The following NOMO1 variants were observed in gnomAD, a reference collection of about 807,000 sequenced individuals.
NOMO1 encodes nodal modulator 3.
In NOMO1, 40 loss-of-function variants were observed where a neutral mutation model predicts 133.8. That is an observed-to-expected ratio of 0.30 (90% confidence interval 0.23 to 0.39). The LOEUF (loss-of-function observed/expected upper bound fraction) is 0.39, where lower values mean the gene tolerates loss of function less well. NOMO1 is among the 10% of genes least tolerant of loss of function. The probability of loss-of-function intolerance (pLI) is 1.00; values close to 1 mark genes in which losing one functional copy is unlikely to be tolerated. For missense variants in NOMO1, 462 were observed against 1,419.9 expected, an observed-to-expected ratio of 0.33 and a Z score of 10.84; for synonymous variants, 236 against 570.5, an observed-to-expected ratio of 0.41 and a Z score of 8.36.
intron 12 of NOMO1, 121 bp from the exon 13 acceptor site, chr16:14,864,464 C>T (rs901569924): frequency 9.8e-5 from 149 of 1,527,514 alleles, no homozygotes; most frequent in South Asian, 1.3e-4. Flanking sequence ...GGCCTGGAAA[C>T]GAACCTTTGG....
chr16:14,883,022 G>A (rs11504703), intron 26 of NOMO1, among the ~76,000 whole-genome samples: 363 of 152,190 alleles, frequency 2.4e-3, no homozygotes, highest in African/African-American at 8.0e-3. Flanking sequence ...GGGTGGCAGG[G>A]CCACGCAGTT....
In NOMO1 at chr16:14,857,672, G is replaced by A. The variant is rs1254238669; in HGVS notation, c.1220+17G>A. The A allele has an allele frequency of 6.2e-7, 1 of 1,613,690 alleles. No individual in the cohort carries two copies. The highest frequency in any genetic ancestry group is 1.7e-5 in the Admixed American group (1 of 59,994). On this transcript the variant is annotated intron_variant, in intron 11 of 30. Transcript: ENST00000287667. The stretch of plus-strand genomic sequence containing the variant: ...TGCAACAGGGTAAGCTTATCGTGTG[G>A]ATTTGGAAGCGCCAGTAAATATGCT...
chr16:14,885,125 A>G (rs1050303539), intron 27 of NOMO1, among the ~76,000 whole-genome samples: 2 of 152,104 alleles, frequency 1.3e-5, no homozygotes, highest in Non-Finnish European at 2.9e-5. Flanking sequence ...CGAAGACAGC[A>G]CCAAGCCACG....
Position 14,868,879 on chromosome 16 carries a change from T to G in NOMO1, c.1894+244T>G, listed in dbSNP as rs427770. On this transcript the variant is annotated intron_variant, in intron 16 of 30. Coordinates refer to ENST00000287667, the MANE Select transcript of NOMO1 (RefSeq NM_014287.4). ...CTCTTTATAGAGCTGTTTTAAAATT[T>G]GAATCATTTCCCACTTTGCTTAAAA... is the stretch of plus-strand genomic sequence containing the variant. Among the ~76,000 whole-genome samples the G allele has an allele frequency of 6.8e-4, 102 of 150,790 alleles. 1 individual carries two copies. The highest frequency in any genetic ancestry group is 2.0e-3 in the African/African-American group (81 of 40,656).
chr16:14,885,115 C>T (rs868856001), intron 27 of NOMO1, among the ~76,000 whole-genome samples: 17 of 152,084 alleles, frequency 1.1e-4, no homozygotes, highest in Admixed American at 3.3e-4. Context: ...GGACTCATAA[C>T]GAAGACAGCA....
At chr16:14,874,965 T>G (rs1231144324) in intron 18 of NOMO1, 71 bp from the exon 19 acceptor site, 2 of 1,604,148 alleles carry the variant, frequency 1.2e-6, no homozygotes, top group Non-Finnish European at 8.5e-7. Context: ...AAGTCCATAC[T>G]CGTAGAAAGG....
chr16:14,895,001 A>G lies in NOMO1; in HGVS notation c.3448A>G (p.Lys1150Glu), dbSNP rs1206747822. 1 of 1,611,114 alleles carries G rather than the reference A, an allele frequency of 6.2e-7. No individual in the cohort carries two copies. The highest frequency in any genetic ancestry group is 2.2e-5 in the East Asian group (1 of 44,702). ...HITLIFNPTR[K>E]LPEQDIAQGS... ...ATGGGGCTCTCGGTGTTTGCAGAGG[A>G]AGCTGCCTGAACAGGACATCGCACA... The change falls in exon 30 of 31, where the codon AAG becomes GAG. Residue 1150 changes from lysine to glutamate, a missense_variant. Lys to Glu is a moderately conservative substitution (Grantham distance 56). Coordinates refer to ENST00000287667, the MANE Select transcript of NOMO1 (RefSeq NM_014287.4).
chr16:14,841,868 C>A (rs1295717990), intron 3 of NOMO1, among the ~76,000 whole-genome samples: 2 of 151,530 alleles, frequency 1.3e-5, no homozygotes, highest in East Asian at 2.0e-4. Flanking sequence ...TTATACCTTA[C>A]CAGTTAAATA....
chr16:14,885,761 G>A (rs962297747), intron 27 of NOMO1, among the ~76,000 whole-genome samples: 6 of 151,874 alleles, frequency 4.0e-5, no homozygotes, highest in Non-Finnish European at 7.4e-5. Context: ...GCTCCTGAGT[G>A]TTGCTGTGCT....
intron 24 of NOMO1, among the ~76,000 whole-genome samples, chr16:14,880,619 T>C (rs1240832804): frequency 2.0e-5 from 3 of 151,898 alleles, no homozygotes; most frequent in Non-Finnish European, 4.4e-5. Flanking sequence ...TGATCTCAGA[T>C]GATCTGCCTG....
Position 14,895,863 on chromosome 16 carries a change from ACT to A in NOMO1, c.*221_*222del, listed in dbSNP as rs1473135896. 37 of 1,552,604 alleles carry A rather than the reference ACT, an allele frequency of 2.4e-5. No homozygotes were observed. Among genetic ancestry groups the A allele is most frequent in the Non-Finnish European group, 3.2e-5 (37 of 1,148,280 alleles). ...AATGCAATGAATGGACCCTCCTGTCACTCTGCTGAACAGAATTTATTTTCTGA... is the reference window on the plus strand; with the variant it reads ...AATGCAATGAATGGACCCTCCTGTCACTGCTGAACAGAATTTATTTTCTGA... On this transcript the variant is annotated 3_prime_UTR_variant, in exon 31 of 31. Transcript: ENST00000287667.
At position 14,857,564 on chromosome 16, in the gene NOMO1, A is replaced by G. The variant is rs993675263; in HGVS notation, c.1129A>G (p.Ile377Val). 1.9e-6 allele frequency: 3 copies of G among 1,611,780 alleles called. No individual in the cohort carries two copies. The highest frequency in any genetic ancestry group is 2.5e-6 in the Non-Finnish European group (3 of 1,179,216). The change falls in exon 11 of 31, where the codon ATC becomes GTC. Residue 377 changes from isoleucine (I) to valine (V), a missense_variant. By Grantham distance (29) the Ile-to-Val change is conservative (BLOSUM62 3). Transcript: ENST00000287667. ...GAACATAACCACAGGGACATACACCATCCATGCTCAGAAAGAGCACCTCTA... is the reference window on the plus strand; with the variant it reads ...GAACATAACCACAGGGACATACACCGTCCATGCTCAGAAAGAGCACCTCTA... Reference protein sequence around the residue: ...LENITTGTYTIHAQKEHLYFE... With the variant: ...LENITTGTYTVHAQKEHLYFE...
chr16:14,867,149 GATATATATATATATAT>G (rs1171568936), intron 15 of NOMO1, among the ~76,000 whole-genome samples: 8 of 17,266 alleles, frequency 4.6e-4, no homozygotes, highest in South Asian at 2.5e-3. Context: ...GAGTTTCTCT[GATATATATATATATAT>G]ATATATATAT....
At chr16:14,860,603 C>T (rs962602447) in intron 11 of NOMO1, among the ~76,000 whole-genome samples, 3 of 151,790 alleles carry the variant, frequency 2.0e-5, no homozygotes, top group Non-Finnish European at 4.4e-5. Context: ...TGGTAGGTCA[C>T]ATGGAGAACA....
At chr16:14,881,050 T>C (rs1472739556) in intron 24 of NOMO1, among the ~76,000 whole-genome samples, 2 of 151,856 alleles carry the variant, frequency 1.3e-5, no homozygotes, top group Non-Finnish European at 2.9e-5. Context: ...ATAAAAAAGA[T>C]ACACATCTAT....
At chr16:14,878,966 G>C in intron 23 of NOMO1, 132 bp downstream of exon 23, 2 of 1,047,740 alleles carry the variant, frequency 1.9e-6, no homozygotes, top group South Asian at 2.6e-5. Flanking sequence ...GTTTCTTGGG[G>C]GCCCACGGTC....
rs1964369013 is a variant in NOMO1 at position 14,889,116 on chromosome 16, C to G, written c.3345C>G (p.Asp1115Glu). The G allele has an allele frequency of 3.7e-6, 6 of 1,611,676 alleles. No individual in the cohort carries two copies. The East Asian group carries it at 1.1e-4, about 30-fold the overall frequency. The stretch of plus-strand genomic sequence containing the variant: ...CACAGAACTATGTTGTGCTTCTGGA[C>G]TCCACACTCCCCAGATCCCAGTATG... Reference protein sequence around the residue: ...RDGENYVVLLDSTLPRSQYDY... With the variant: ...RDGENYVVLLESTLPRSQYDY... Residue 1115 changes from aspartate (D) to glutamate (E), a missense_variant, in exon 29 of 31, where the codon GAC becomes GAG. Coordinates refer to ENST00000287667, the MANE Select transcript of NOMO1 (RefSeq NM_014287.4).
At chr16:14,866,483 T>C in intron 14 of NOMO1, 72 bp from the exon 15 acceptor site, 9 of 1,609,722 alleles carry the variant, frequency 5.6e-6, no homozygotes, top group Non-Finnish European at 5.9e-6. Flanking sequence ...TCATGATCAT[T>C]GTTTCTGGTG....
chr16:14,880,672 G>A (rs1964229812), intron 24 of NOMO1, among the ~76,000 whole-genome samples: 1 of 152,048 alleles, frequency 6.6e-6, no homozygotes, highest in Non-Finnish European at 1.5e-5. Flanking sequence ...GTGAGCCACC[G>A]CGCCTGGCCA....
Sources: gnomAD v4.1 joint callset for allele counts (sites outside exome capture counted in the v4.1 genomes callset) on GRCh38, gnomAD v4.1.1 for gene constraint, MANE v1.5 for transcripts, NCBI Gene and HGNC (gene_info 2026-07-23, HGNC 2026-07-21) for gene names.